Variants in PACRG observed in about 807,000 individuals in gnomAD.
The protein encoded by PACRG is parkin coregulated.
In PACRG, 29 loss-of-function variants were observed where a neutral mutation model predicts 29.7. The ratio of observed to expected loss-of-function variants is 0.98; its 90% CI spans 0.73 to 1.33. The LOEUF (loss-of-function observed/expected upper bound fraction) is 1.33. PACRG is among the 40% of genes most tolerant of loss of function. The pLI is 0.00. For synonymous variants in PACRG, 116 were observed against 118.7 expected, an observed-to-expected ratio of 0.98 and a Z score of 0.15; for missense variants, 279 against 316.2, an observed-to-expected ratio of 0.88 and a Z score of 0.89.
chr6:162,969,696 T>C (rs1801365583), intron 2 of PACRG, among the ~76,000 whole-genome samples: 3 of 152,160 alleles, frequency 2.0e-5, no homozygotes, highest in Non-Finnish European at 4.4e-5. Context: ...GGCCTCGGCA[T>C]GGTGTGGTTT....
At chr6:163,152,277 T>A (rs1009965206) in intron 4 of PACRG, among the ~76,000 whole-genome samples, 1 of 152,254 alleles carries the variant, frequency 6.6e-6, no homozygotes, top group Non-Finnish European at 1.5e-5. Context: ...TGGCTATTTT[T>A]AGAATAAAAT....
At chr6:162,759,821 TTC>T (rs1782205934) in intron 1 of PACRG, among the ~76,000 whole-genome samples, 1 of 152,216 alleles carries the variant, frequency 6.6e-6, no homozygotes, top group African/African-American at 2.4e-5. Flanking sequence ...TGACACACTG[TTC>T]TAAAAGTCCG....
At chr6:163,029,473 T>TACCC (rs1807452660) in intron 2 of PACRG, among the ~76,000 whole-genome samples, 1 of 152,202 alleles carries the variant, frequency 6.6e-6, no homozygotes, top group Non-Finnish European at 1.5e-5. Flanking sequence ...TCAGTGGCCT[T>TACCC]ACCCAGCACA....
intron 3 of PACRG, among the ~76,000 whole-genome samples, chr6:163,076,401 T>TCCAGCCC (rs930582382): frequency 2.0e-5 from 3 of 152,132 alleles, no homozygotes; most frequent in Non-Finnish European, 4.4e-5. Context: ...TACCTGCTCT[T>TCCAGCCC]CCAGCCCAGA....
intron 2 of PACRG, among the ~76,000 whole-genome samples, chr6:162,945,169 C>A (rs1222460966): frequency 6.6e-6 from 1 of 151,812 alleles, no homozygotes; most frequent in African/African-American, 2.4e-5. Context: ...TCAATGATAA[C>A]CTTGAATGTA....
intron 4 of PACRG, among the ~76,000 whole-genome samples, chr6:163,149,084 T>C (rs1224513128): frequency 1.3e-5 from 2 of 150,028 alleles, no homozygotes; most frequent in African/African-American, 4.9e-5. Context: ...TTCCAGGCCC[T>C]GCAGGGCCGT....
intron 4 of PACRG, among the ~76,000 whole-genome samples, chr6:163,239,909 C>T (rs1206093808): frequency 1.3e-5 from 2 of 148,282 alleles, no homozygotes; most frequent in East Asian, 4.0e-4. Flanking sequence ...CTGTCACACG[C>T]TCATACTTCC....
intron 2 of PACRG, among the ~76,000 whole-genome samples, chr6:163,011,849 C>T (rs1250577527): frequency 6.6e-6 from 1 of 152,122 alleles, no homozygotes; most frequent in Non-Finnish European, 1.5e-5. Context: ...AAGACACAAA[C>T]ATACACATTA....
intron 2 of PACRG, among the ~76,000 whole-genome samples, chr6:163,046,873 G>A (rs1321490068): frequency 3.3e-5 from 5 of 152,072 alleles, no homozygotes; most frequent in Non-Finnish European, 7.4e-5. Context: ...TCAGTATAAA[G>A]AGCTTTAACA....
At chr6:162,796,289 C>T (rs183206399) in intron 1 of PACRG, among the ~76,000 whole-genome samples, 26 of 152,112 alleles carry the variant, frequency 1.7e-4, no homozygotes, top group East Asian at 1.4e-3. Flanking sequence ...TTAGCACAGA[C>T]GTGTTTTTCT....
chr6:162,903,214 A>G (rs890450166), intron 2 of PACRG, among the ~76,000 whole-genome samples: 1 of 152,272 alleles, frequency 6.6e-6, no homozygotes, highest in Middle Eastern at 3.4e-3. Context: ...ACCCCCGACC[A>G]TCTGACTGTG....
intron 4 of PACRG, among the ~76,000 whole-genome samples, chr6:163,095,696 C>T (rs1224878016): frequency 3.3e-5 from 5 of 152,066 alleles, no homozygotes; most frequent in Admixed American, 6.6e-5. Context: ...TTTTCCTGTG[C>T]GTCTGTCTGT....
intron 1 of PACRG, among the ~76,000 whole-genome samples, chr6:162,730,607 G>GTTT (rs1779689509): frequency 6.6e-6 from 1 of 152,084 alleles, no homozygotes; most frequent in Non-Finnish European, 1.5e-5. Context: ...TGTGCAAGCA[G>GTTT]AAATGCTTAT....
At chr6:163,281,832 T>C (rs888277021) in intron 4 of PACRG, among the ~76,000 whole-genome samples, 1 of 152,184 alleles carries the variant, frequency 6.6e-6, no homozygotes, top group Non-Finnish European at 1.5e-5. Context: ...CCACCCAATT[T>C]TGGCATGCAT....
At chr6:162,773,607 C>T (rs1049755915) in intron 1 of PACRG, among the ~76,000 whole-genome samples, 1 of 144,826 alleles carries the variant, frequency 6.9e-6, no homozygotes, top group East Asian at 2.1e-4. Context: ...CTCCGCTTCC[C>T]GGGTTCACGC....
At chr6:163,286,387 C>A (rs1052214998) in intron 4 of PACRG, among the ~76,000 whole-genome samples, 1 of 152,000 alleles carries the variant, frequency 6.6e-6, no homozygotes, top group African/African-American at 2.4e-5. Context: ...AGTAATAAAA[C>A]AATATTCTGT....
intron 4 of PACRG, among the ~76,000 whole-genome samples, chr6:163,232,051 G>A (rs1230331468): frequency 6.6e-6 from 1 of 152,240 alleles, no homozygotes; most frequent in Non-Finnish European, 1.5e-5. Context: ...AAGATGACTT[G>A]AAGTGGGCAC....
At chr6:162,822,325 A>G (rs1302545979) in intron 2 of PACRG, among the ~76,000 whole-genome samples, 1 of 152,206 alleles carries the variant, frequency 6.6e-6, no homozygotes, top group Non-Finnish European at 1.5e-5. Flanking sequence ...AGTAATTCTC[A>G]TGGTATGGTG....
intron 4 of PACRG, among the ~76,000 whole-genome samples, chr6:163,245,417 G>T (rs1782654323): frequency 6.6e-6 from 1 of 152,034 alleles, no homozygotes; most frequent in Non-Finnish European, 1.5e-5. Flanking sequence ...AATCAGGGAG[G>T]ACCCTCACTA....
Sources: gnomAD v4.1 joint callset for allele counts (sites outside exome capture counted in the v4.1 genomes callset) on GRCh38, gnomAD v4.1.1 for gene constraint, MANE v1.5 for transcripts, NCBI Gene and HGNC (gene_info 2026-07-23, HGNC 2026-07-21) for gene names.